CDH23: variants seen among roughly 807,000 people sequenced by gnomAD.
The protein encoded by CDH23 is cadherin related 23.
In CDH23, 189 loss-of-function variants were observed where a neutral mutation model predicts 317.1. The observed-to-expected ratio is 0.60, with a 90% CI of 0.53 to 0.67. CDH23 has a LOEUF of 0.67. Among genes scored for constraint, CDH23 ranks in the 30% least tolerant of loss-of-function variants. The pLI is 0.00. For synonymous variants in CDH23, 1,839 were observed against 1,876.8 expected (o/e 0.98, Z 0.52); for missense variants, 4,401 against 4,592.4 (o/e 0.96, Z 1.20).
At position 71,462,279 on chromosome 10, in the gene CDH23, C is replaced by G. The variant is rs575869213; in HGVS notation, c.145+15884C>G. On this transcript the variant is annotated intron_variant, in intron 3 of 69. Coordinates refer to ENST00000224721, the MANE Select transcript of CDH23 (RefSeq NM_022124.6). ...GGTGGTGCAGCAGTGGACATAATTA[C>G]TCCTGACGGCCTTCATTAAAGACTC... 2.6e-5 allele frequency among the ~76,000 whole-genome samples: 4 copies of G among 152,366 alleles called. No individual in the cohort carries two copies. In the South Asian group the frequency reaches 8.3e-4, roughly 32 times the overall value.
intron 11 of CDH23, among the ~76,000 whole-genome samples, chr10:71,618,163 G>A (rs978898891): frequency 6.6e-6 from 1 of 152,098 alleles, no homozygotes; most frequent in African/African-American, 2.4e-5. Context: ...GCTTTTCCAC[G>A]TGAAGAGTGA....
Position 71,779,374 on chromosome 10 carries a change from C to G in CDH23, c.5295C>G (p.Thr1765=). 6.2e-7 allele frequency: 1 copy of G among 1,613,940 alleles called. No homozygotes were observed. The highest frequency in any genetic ancestry group is 8.5e-7 in the Non-Finnish European group (1 of 1,179,870). The change falls in exon 41 of 70, where the codon ACC becomes ACG. Residue 1765 remains threonine (T), a synonymous_variant. Transcript: ENST00000224721. The part of the protein sequence containing the change: ...TEGQPGPRVW[T]FLAHDRDSGP... ...GCCAGCCGGGGCCCAGAGTGTGGACCTTCCTGGCCCATGACCGAGACTCAG... is the reference window on the plus strand; with the variant it reads ...GCCAGCCGGGGCCCAGAGTGTGGACGTTCCTGGCCCATGACCGAGACTCAG...
chr10:71,718,760 C>T (rs112417321), intron 28 of CDH23, among the ~76,000 whole-genome samples: 46 of 152,306 alleles, frequency 3.0e-4, no homozygotes, highest in Middle Eastern at 6.8e-3. Flanking sequence ...GCCTTGGGAC[C>T]TGCTTTAATT....
At position 71,522,245 on chromosome 10, in the gene CDH23, A is replaced by T. The variant is rs536894490; in HGVS notation, c.429+11033A>T. Among the ~76,000 whole-genome samples the T allele has an allele frequency of 8.9e-4, 136 of 152,164 alleles. 1 individual carries two copies. The highest frequency in any genetic ancestry group is 1.2e-3 in the Non-Finnish European group (82 of 68,018). The stretch of plus-strand genomic sequence containing the variant: ...ATTGCAAAGTGAATGCATTTGTGTA[A>T]CTGCACCCGGATCGAGAAGCAGAGC... On this transcript the variant is annotated intron_variant, in intron 6 of 69. Coordinates refer to ENST00000224721, the MANE Select transcript of CDH23 (RefSeq NM_022124.6).
chr10:71,790,137 C>T, intron 45 of CDH23, 151 bp from the exon 46 acceptor site: 2 of 1,054,194 alleles, frequency 1.9e-6, no homozygotes, highest in Non-Finnish European at 2.7e-6. Flanking sequence ...AAGGCTGCCG[C>T]AGGCCCGCCC....
In CDH23 at chr10:71,793,547, CT is replaced by C. The variant is rs778337904; in HGVS notation, c.6620del (p.Leu2207GlnfsTer27). On this transcript the variant is annotated frameshift_variant, in exon 48 of 70. Transcript: ENST00000224721. LOFTEE classifies it high-confidence loss of function. ...CATTGACCACGACCTCAACCCAAAG[CT>C]AGAGTACCACATTGTCGGCATTGTG... Reference protein sequence around the residue: ...TAIDHDLNPKLEYHIVGIVAK... With the variant: ...TAIDHDLNPKXEYHIVGIVAK... 6.2e-7 allele frequency: 1 copy of C among 1,613,728 alleles called. No homozygotes were observed. The highest frequency in any genetic ancestry group is 8.5e-7 in the Non-Finnish European group (1 of 1,179,848).
chr10:71,600,011 T>C (rs889482604), intron 9 of CDH23, among the ~76,000 whole-genome samples: 2 of 147,542 alleles, frequency 1.4e-5, no homozygotes, highest in African/African-American at 5.0e-5. Flanking sequence ...TTTTTTTTTT[T>C]TTTTTGGTGA....
At chr10:71,534,406 C>A (rs916653229) in intron 6 of CDH23, among the ~76,000 whole-genome samples, 2 of 152,312 alleles carry the variant, frequency 1.3e-5, no homozygotes, top group Admixed American at 6.5e-5. Context: ...AGAAAAACTT[C>A]CCATCGCTGC....
chr10:71,398,215 A>G (rs1847614494), intron 1 of CDH23, among the ~76,000 whole-genome samples: 1 of 152,166 alleles, frequency 6.6e-6, no homozygotes, highest in Admixed American at 6.5e-5. Context: ...CCCCAGCCCT[A>G]GTGCTGTCAG....
chr10:71,682,630 C>A (rs898692627), intron 18 of CDH23, 58 bp downstream of exon 18: 2 of 1,595,586 alleles, frequency 1.3e-6, no homozygotes, highest in African/African-American at 2.7e-5. Flanking sequence ...TGAGTGCTTC[C>A]TGTGAACCCA....
rs866983214 is a variant in CDH23 at position 71,796,922 on chromosome 10, G to T, written c.6713-182G>T. The T allele has an allele frequency of 5.9e-5, 33 of 554,634 alleles. No homozygotes were observed. The South Asian group carries it at 6.4e-4, about 11-fold the overall frequency. 34.4% of individuals were successfully genotyped at this position (554,634 alleles called of 1,614,324 possible). A position where few individuals can be genotyped will look rare whatever the true frequency, so the allele number is the denominator to read the frequency against. The stretch of plus-strand genomic sequence containing the variant: ...CTGCTTAGTAAGCATCATGGGAGGG[G>T]CAGAGCCACGTGACCCAAGCTTATG... On this transcript the variant is annotated intron_variant, in intron 48 of 69. Coordinates refer to ENST00000224721, the MANE Select transcript of CDH23 (RefSeq NM_022124.6).
chr10:71,799,373 C>A, intron 51 of CDH23, 93 bp downstream of exon 51: 1 of 1,603,926 alleles, frequency 6.2e-7, no homozygotes, highest in Non-Finnish European at 8.5e-7. Context: ...AGCCTCTAAG[C>A]CCCCTGGGAG....
intron 6 of CDH23, among the ~76,000 whole-genome samples, chr10:71,545,475 G>C (rs890037175): frequency 6.6e-6 from 1 of 152,212 alleles, no homozygotes; most frequent in South Asian, 2.1e-4. Context: ...AAGGAGACCC[G>C]ATGCTTACCC....
chr10:71,662,662 C>T (rs1006714798), intron 14 of CDH23, among the ~76,000 whole-genome samples: 1 of 152,172 alleles, frequency 6.6e-6, no homozygotes, highest in African/African-American at 2.4e-5. Context: ...TCTCTCAGGC[C>T]CTTCCCCTTT....
intron 9 of CDH23, 64 bp downstream of exon 9, chr10:71,578,056 A>G (rs1420336712): frequency 1.4e-6 from 2 of 1,453,874 alleles, no homozygotes; most frequent in Non-Finnish European, 9.4e-7. Flanking sequence ...GAGAGCCAGT[A>G]GGCATCTCAG....
chr10:71,702,423 T>C, intron 23 of CDH23, 126 bp from the exon 24 acceptor site: 1 of 1,305,206 alleles, frequency 7.7e-7, no homozygotes, highest in South Asian at 1.3e-5. Flanking sequence ...GGCTGCTTCC[T>C]GGAGGGGCCT....
chr10:71,546,105 C>T (rs1478316529), intron 6 of CDH23, among the ~76,000 whole-genome samples: 1 of 151,990 alleles, frequency 6.6e-6, no homozygotes, highest in Non-Finnish European at 1.5e-5. Flanking sequence ...CATTCTCACA[C>T]CCAGGACAGG....
rs61853675 is a variant in CDH23, at chr10:71,811,132, A to G, written c.9078-183A>G. Among the ~76,000 whole-genome samples the G allele has an allele frequency of 0.15, 21,988 of 150,570 alleles. 2,099 individuals carry two copies. Among genetic ancestry groups the G allele is most frequent in the South Asian group, 0.24 (1,129 of 4,726 alleles). ...AGTATTCCATCCACTGTAAGGATGGAACAGGATCCTACATGAAGGTTCGAG... is the reference window on the plus strand; with the variant it reads ...AGTATTCCATCCACTGTAAGGATGGGACAGGATCCTACATGAAGGTTCGAG... On this transcript the variant is annotated intron_variant, in intron 62 of 69. Transcript: ENST00000224721.
chr10:71,416,677 A>C (rs1476304963), intron 1 of CDH23, among the ~76,000 whole-genome samples: 1 of 151,720 alleles, frequency 6.6e-6, no homozygotes, highest in African/African-American at 2.4e-5. Context: ...TTTGCTTTTT[A>C]TTTTTAGAGA....
Sources: gnomAD v4.1 joint callset for allele counts (sites outside exome capture counted in the v4.1 genomes callset) on GRCh38, gnomAD v4.1.1 for gene constraint, MANE v1.5 for transcripts, NCBI Gene and HGNC (gene_info 2026-07-23, HGNC 2026-07-21) for gene names.